The following FAM177A1 variants were observed in gnomAD, a reference collection of about 807,000 sequenced individuals.
FAM177A1 encodes protein FAM177A1.
A neutral mutation model predicts 26.1 loss-of-function variants in FAM177A1; 22 were observed. The observed-to-expected ratio is 0.84, with a 90% confidence interval of 0.60 to 1.20. The LOEUF is 1.20. Among genes scored for constraint, FAM177A1 ranks in the 50% most tolerant of loss-of-function variants. FAM177A1 has a pLI of 0.00. For synonymous variants in FAM177A1, 95 were observed against 99.3 expected (o/e 0.96, Z 0.26); for missense variants, 296 against 291.1 (o/e 1.02, Z -0.12).
chr14:35,061,108 G>A (rs182200751), intron 2 of FAM177A1, among the ~76,000 whole-genome samples: 1 of 152,078 alleles, frequency 6.6e-6, no homozygotes, highest in African/African-American at 2.4e-5. Context: ...AGTATTATCC[G>A]CAGTTTCAGT....
At chr14:35,046,895 A>C in intron 1 of FAM177A1, 4 of 1,258,532 alleles carry the variant, frequency 3.2e-6, no homozygotes, top group Non-Finnish European at 2.0e-6. Flanking sequence ...CTTCTGGTCT[A>C]CCAGAGGAAG....
chr14:35,052,417 T>G (rs1374155330), intron 1 of FAM177A1, among the ~76,000 whole-genome samples: 2 of 151,898 alleles, frequency 1.3e-5, no homozygotes, highest in Non-Finnish European at 2.9e-5. Flanking sequence ...GAGACAGGGT[T>G]TCACCGTGGT....
chr14:35,060,675 T>C (rs1198369592), intron 2 of FAM177A1, among the ~76,000 whole-genome samples: 1 of 152,208 alleles, frequency 6.6e-6, no homozygotes, highest in Non-Finnish European at 1.5e-5. Context: ...TCCTATTCTT[T>C]CCTGCAAATT....
chr14:35,052,681 T>C (rs111906785), intron 1 of FAM177A1, among the ~76,000 whole-genome samples: 395 of 152,094 alleles, frequency 2.6e-3, no homozygotes, highest in Admixed American at 5.8e-3. Flanking sequence ...TCCTAAAACT[T>C]TGGGAGGCTG....
chr14:35,073,622 G>A (rs1425429909), intron 2 of FAM177A1, among the ~76,000 whole-genome samples: 2 of 152,208 alleles, frequency 1.3e-5, no homozygotes, highest in Admixed American at 6.5e-5. Flanking sequence ...ACAAAGCATT[G>A]ATGGAACCAA....
intron 2 of FAM177A1, among the ~76,000 whole-genome samples, chr14:35,065,591 AAT>A (rs1433760574): frequency 6.6e-6 from 1 of 152,126 alleles, no homozygotes; most frequent in Non-Finnish European, 1.5e-5. Context: ...TTTAAATAAA[AAT>A]GTGTTACCTG....
chr14:35,065,020 G>A (rs946622961), intron 2 of FAM177A1, among the ~76,000 whole-genome samples: 3 of 151,920 alleles, frequency 2.0e-5, no homozygotes, highest in South Asian at 2.1e-4. Context: ...ACTTCATCTG[G>A]TTAATTTTTT....
chr14:35,046,787 C>T (rs1315978971), intron 1 of FAM177A1, 159 bp downstream of exon 1: 4 of 1,381,674 alleles, frequency 2.9e-6, no homozygotes, highest in South Asian at 1.6e-5. Flanking sequence ...CTGAGACCAG[C>T]TTGTGGGAAG....
At chr14:35,080,536 C>T (rs2045464625) in intron 4 of FAM177A1, among the ~76,000 whole-genome samples, 2 of 152,170 alleles carry the variant, frequency 1.3e-5, no homozygotes, top group African/African-American at 4.8e-5. Context: ...CGCGGTGGCT[C>T]ATGCCTGTAA....
Position 35,053,438 on chromosome 14 carries a change from C to T in FAM177A1, c.326C>T (p.Pro109Leu). ...GGCCTGGAGAAGAAAGATGTTTTGC[C>T]TACTGTTGATCCGGTAGGTTTGATA... ...VDGLEKKDVLPTVDPTKLTWG... is the reference protein window; with the variant it reads ...VDGLEKKDVLLTVDPTKLTWG... The change falls in exon 2 of 5, where the codon CCT becomes CTT. Residue 109 changes from proline to leucine, a missense_variant. Transcript: ENST00000280987. 1 of 1,614,022 alleles carries T rather than the reference C, an allele frequency of 6.2e-7. No individual in the cohort carries two copies. The highest frequency in any genetic ancestry group is 8.5e-7 in the Non-Finnish European group (1 of 1,179,984).
At chr14:35,077,387 A>G (rs1055591159) in intron 3 of FAM177A1, among the ~76,000 whole-genome samples, 171 bp downstream of exon 3, 1 of 152,114 alleles carries the variant, frequency 6.6e-6, no homozygotes, top group African/African-American at 2.4e-5. Context: ...CTTCACATTA[A>G]AACATTCTTC....
chr14:35,080,113 ACCCGTT>A (rs920488957), intron 4 of FAM177A1, among the ~76,000 whole-genome samples: 143 of 152,162 alleles, frequency 9.4e-4, no homozygotes, highest in African/African-American at 3.3e-3. Flanking sequence ...TGTACTGACT[ACCCGTT>A]CTGCAGGGTC....
At chr14:35,063,122 C>G (rs533974471) in intron 2 of FAM177A1, among the ~76,000 whole-genome samples, 1 of 136,346 alleles carries the variant, frequency 7.3e-6, no homozygotes, top group African/African-American at 2.8e-5. Context: ...GATCGCGCCA[C>G]TGCACTCCAG....
At chr14:35,080,073 C>G (rs2045456074) in intron 4 of FAM177A1, among the ~76,000 whole-genome samples, 1 of 151,866 alleles carries the variant, frequency 6.6e-6, no homozygotes, top group Non-Finnish European at 1.5e-5. Context: ...TCAAGCAAGC[C>G]CCAGAGTAAT....
intron 2 of FAM177A1, among the ~76,000 whole-genome samples, chr14:35,065,072 T>G (rs1172380671): frequency 2.6e-5 from 4 of 152,168 alleles, no homozygotes; most frequent in East Asian, 1.9e-4. Context: ...CATATTTTTT[T>G]TTGTTGTTTT....
chr14:35,074,921 C>T (rs550463469), intron 2 of FAM177A1, among the ~76,000 whole-genome samples: 4 of 152,048 alleles, frequency 2.6e-5, no homozygotes, highest in African/African-American at 9.6e-5. Context: ...TCTGTAATCC[C>T]AGCTACTCGT....
At position 35,078,975 on chromosome 14, in the gene FAM177A1, C is replaced by T. The variant is rs1325210291; in HGVS notation, c.455C>T (p.Thr152Ile). 14 of 1,554,976 alleles carry T rather than the reference C, an allele frequency of 9.0e-6. No homozygotes were observed. The highest frequency in any genetic ancestry group is 1.1e-5 in the Non-Finnish European group (13 of 1,161,948). The change falls in exon 4 of 5, where the codon ACC (threonine) becomes ATC (isoleucine). Residue 152 changes from threonine (T) to isoleucine (I), a missense_variant. Transcript: ENST00000280987. ...EKIASVLGIS[T>I]PKYQYAIDEY... is the part of the protein sequence containing the mutation. ...ATTGCATCTGTTTTGGGTATCAGCA[C>T]CCCAAAGTACCAATATGCCATTGAT... is the stretch of plus-strand genomic sequence containing the variant.
chr14:35,079,089 A>G, intron 4 of FAM177A1, 65 bp downstream of exon 4: 1 of 1,210,534 alleles, frequency 8.3e-7, no homozygotes. Context: ...GGGTTGCATA[A>G]TGAGCCTATG....
At chr14:35,076,156 G>A (rs1016710034) in intron 2 of FAM177A1, among the ~76,000 whole-genome samples, 13 of 152,048 alleles carry the variant, frequency 8.5e-5, no homozygotes, top group Non-Finnish European at 1.3e-4. Flanking sequence ...TGTTTATTGC[G>A]GCACTATTCA....
Sources: allele counts gnomAD v4.1 joint callset (sites outside exome capture counted in the v4.1 genomes callset), GRCh38; gene constraint gnomAD v4.1.1; transcripts MANE v1.5; gene names NCBI Gene and HGNC (gene_info 2026-07-23, HGNC 2026-07-21).